RBL1: variants seen among roughly 807,000 people sequenced by gnomAD.
RBL1 encodes the protein retinoblastoma-like protein 1.
A neutral mutation model predicts 123.0 loss-of-function variants in RBL1; 82 were observed. The ratio of observed to expected loss-of-function variants is 0.67; its 90% CI spans 0.56 to 0.80. The LOEUF is 0.80. RBL1 is among the 30% of genes least tolerant of loss of function. The pLI is 0.00. For synonymous variants in RBL1, 405 were observed against 441.3 expected (o/e 0.92, Z 1.03); for missense variants, 1,171 against 1,299.6 (o/e 0.90, Z 1.52).
chr20:36,997,701 G>T lies in RBL1; in HGVS notation c.*1058C>A, dbSNP rs772091960. On this transcript the variant is annotated 3_prime_UTR_variant, in exon 22 of 22. Coordinates refer to ENST00000373664, the MANE Select transcript of RBL1 (RefSeq NM_002895.5). ...GAATTTTATTTTACTGGCTTCAGAAGCAGCTGCCTATTTTGAGAACTACAT... is the reference window on the plus strand; with the variant it reads ...GAATTTTATTTTACTGGCTTCAGAATCAGCTGCCTATTTTGAGAACTACAT... 4 of 152,086 alleles carry T rather than the reference G, an allele frequency of 2.6e-5. No homozygotes were observed. The highest frequency in any genetic ancestry group is 5.9e-5 in the Non-Finnish European group (4 of 68,014). The allele number at this position is 152,086 out of a possible 1,614,324, so 9.4% of individuals were successfully genotyped here.
Position 37,095,842 on chromosome 20 carries a change from G to A in RBL1, c.87C>T (p.Asn29=). The A allele has an allele frequency of 6.2e-7, 1 of 1,608,654 alleles. No individual in the cohort carries two copies. The highest frequency in any genetic ancestry group is 8.5e-7 in the Non-Finnish European group (1 of 1,178,352). ...EALQALCQEL[N]LDEGSAAEAL... Reference sequence around the variant, plus strand: ...CTTCGGCCGCGCTCCCCTCGTCCAGGTTCAGCTCCTGGCACAGGGCCTGTA... The same window carrying A: ...CTTCGGCCGCGCTCCCCTCGTCCAGATTCAGCTCCTGGCACAGGGCCTGTA... Residue 29 remains asparagine, a synonymous_variant, in exon 1 of 22, where the codon AAC becomes AAT. Coordinates refer to ENST00000373664, the MANE Select transcript of RBL1 (RefSeq NM_002895.5).
chr20:37,004,465 C>A (rs1009622755), intron 20 of RBL1, among the ~76,000 whole-genome samples: 12 of 150,954 alleles, frequency 7.9e-5, no homozygotes, highest in Non-Finnish European at 1.3e-4. Context: ...GTAATGCCAG[C>A]ACTTTGGGAG....
At chr20:37,020,758 A>G in intron 17 of RBL1, 28 bp from the exon 18 acceptor site, 4 of 1,459,118 alleles carry the variant, frequency 2.7e-6, no homozygotes, top group Non-Finnish European at 3.7e-6. Context: ...CGCATTTATC[A>G]ACTGCTTTTT....
At chr20:37,068,282 T>C in intron 2 of RBL1, 96 bp from the exon 3 acceptor site, 2 of 1,441,912 alleles carry the variant, frequency 1.4e-6, no homozygotes, top group Non-Finnish European at 1.8e-6. Context: ...GACTCTTTAT[T>C]AAAAAGCCAG....
chr20:37,081,789 C>T (rs749928766), intron 2 of RBL1: 34 of 329,098 alleles, frequency 1.0e-4, no homozygotes, highest in Non-Finnish European at 1.7e-4. Flanking sequence ...AGAAGCAGAA[C>T]TTTAATTCCA....
intron 9 of RBL1, among the ~76,000 whole-genome samples, chr20:37,060,063 T>G (rs1435661408): frequency 6.6e-6 from 1 of 151,854 alleles, no homozygotes; most frequent in African/African-American, 2.4e-5. Flanking sequence ...TCCCAGCTAC[T>G]CGGGAGGCTG....
At chr20:37,034,971 A>C (rs1364325479) in intron 15 of RBL1, among the ~76,000 whole-genome samples, 1 of 152,160 alleles carries the variant, frequency 6.6e-6, no homozygotes, top group African/African-American at 2.4e-5. Context: ...CAACTGTAAC[A>C]AATGTAGCAT....
intron 2 of RBL1, chr20:37,081,775 C>T: frequency 6.1e-6 from 2 of 329,002 alleles, no homozygotes; most frequent in South Asian, 4.8e-5. Context: ...ATGATTGTGT[C>T]CTTAGAAGCA....
intron 9 of RBL1, among the ~76,000 whole-genome samples, chr20:37,056,860 T>C (rs1388311285): frequency 6.6e-6 from 1 of 152,204 alleles, no homozygotes; most frequent in Non-Finnish European, 1.5e-5. Flanking sequence ...AATCATGCAG[T>C]ATTTTGTCTT....
intron 2 of RBL1, among the ~76,000 whole-genome samples, chr20:37,086,035 T>G (rs1295044445): frequency 6.6e-6 from 1 of 152,158 alleles, no homozygotes; most frequent in Non-Finnish European, 1.5e-5. Flanking sequence ...AACCTCCACC[T>G]CCAAGGTTCA....
chr20:37,029,485 A>G (rs1239212749), intron 16 of RBL1, among the ~76,000 whole-genome samples: 1 of 152,208 alleles, frequency 6.6e-6, no homozygotes, highest in Admixed American at 6.5e-5. Context: ...CACAGTTAAC[A>G]TCATACTCAA....
chr20:37,062,817 T>C (rs1191684889), intron 7 of RBL1, among the ~76,000 whole-genome samples: 1 of 148,966 alleles, frequency 6.7e-6, no homozygotes, highest in Non-Finnish European at 1.5e-5. Context: ...TAGCCGGGCG[T>C]GGTGGCGGGC....
intron 20 of RBL1, among the ~76,000 whole-genome samples, chr20:37,004,084 G>C (rs145401617): frequency 0.017 from 1,516 of 89,924 alleles, 22 homozygotes; most frequent in African/African-American, 0.06. Context: ...TTTTTTTTTT[G>C]AGATGGAGTA....
intron 21 of RBL1, 71 bp downstream of exon 21, chr20:37,003,631 A>G: frequency 1.4e-6 from 2 of 1,472,250 alleles, no homozygotes; most frequent in South Asian, 1.5e-5. Flanking sequence ...AAAAGAAAAA[A>G]AAAAAAAGAG....
At chr20:37,088,593 C>T (rs1490625719) in intron 2 of RBL1, among the ~76,000 whole-genome samples, 1 of 151,910 alleles carries the variant, frequency 6.6e-6, no homozygotes, top group African/African-American at 2.4e-5. Flanking sequence ...TGGCTCACGT[C>T]TATAATCCCA....
chr20:37,000,799 G>A (rs1300349183), intron 21 of RBL1, among the ~76,000 whole-genome samples: 9 of 140,630 alleles, frequency 6.4e-5, no homozygotes, highest in Admixed American at 2.1e-4. Context: ...CCGGCCAGCC[G>A]CCCCGTCCGG....
At chr20:37,003,046 T>C (rs1010034524) in intron 21 of RBL1, among the ~76,000 whole-genome samples, 2 of 152,140 alleles carry the variant, frequency 1.3e-5, no homozygotes, top group African/African-American at 4.8e-5. Context: ...TTAGCCAACT[T>C]TGTCAAGTAT....
chr20:37,028,750 A>G (rs551566611), intron 16 of RBL1, among the ~76,000 whole-genome samples: 28 of 152,334 alleles, frequency 1.8e-4, no homozygotes, highest in African/African-American at 2.6e-4. Context: ...GGCAAAAAAC[A>G]TAAGTTAGAT....
chr20:37,074,098 G>GA (rs1400379534), intron 2 of RBL1, among the ~76,000 whole-genome samples: 1 of 149,516 alleles, frequency 6.7e-6, no homozygotes, highest in East Asian at 2.0e-4. Flanking sequence ...GCAACAGAGC[G>GA]AGACACTGTC....
Sources: gnomAD v4.1 joint callset for allele counts (sites outside exome capture counted in the v4.1 genomes callset) on GRCh38, gnomAD v4.1.1 for gene constraint, MANE v1.5 for transcripts, NCBI Gene and HGNC (gene_info 2026-07-23, HGNC 2026-07-21) for gene names.